SETBP1: variants seen among roughly 807,000 people sequenced by gnomAD.
SETBP1 encodes the protein SET-binding protein.
Under a neutral mutation model 101.0 loss-of-function variants are expected in SETBP1, and 9 were observed. The ratio of observed to expected loss-of-function variants is 0.09; its 90% CI spans 0.05 to 0.16. The LOEUF (loss-of-function observed/expected upper bound fraction) is 0.16, where lower values mean the gene tolerates loss of function less well. Ranked by LOEUF, SETBP1 falls within the 10% of genes least tolerant of loss-of-function variation. The pLI is 1.00. For missense variants in SETBP1, 1,858 were observed against 2,033.8 expected, an observed-to-expected ratio of 0.91 and a Z score of 1.66; for synonymous variants, 818 against 788.5, an observed-to-expected ratio of 1.04 and a Z score of -0.63.
intron 3 of SETBP1, among the ~76,000 whole-genome samples, chr18:44,921,219 A>C (rs1158517218): frequency 3.9e-5 from 6 of 152,244 alleles, no homozygotes; most frequent in Admixed American, 3.9e-4. Context: ...ACCTAACTAC[A>C]GTGTAATAAA....
At chr18:44,771,562 C>G (rs35281795) in intron 2 of SETBP1, among the ~76,000 whole-genome samples, 4 of 152,220 alleles carry the variant, frequency 2.6e-5, no homozygotes, top group South Asian at 2.1e-4. Context: ...ATGTAAGTCC[C>G]TAAGACAGAG....
intron 4 of SETBP1, among the ~76,000 whole-genome samples, chr18:44,997,209 A>C (rs1043390494): frequency 6.6e-6 from 1 of 152,026 alleles, no homozygotes; most frequent in Non-Finnish European, 1.5e-5. Context: ...CAGCCCTTCA[A>C]AATAGGCCTC....
intron 3 of SETBP1, among the ~76,000 whole-genome samples, chr18:44,927,746 G>A (rs1306084859): frequency 2.6e-5 from 4 of 152,178 alleles, no homozygotes; most frequent in African/African-American, 9.7e-5. Context: ...CACCGATCAG[G>A]AGTTTGAACT....
rs148174411 is a variant in SETBP1, at chr18:45,062,022, T to TTGTG, written c.4172-1044_4172-1041dup. 2.0e-5 allele frequency among the ~76,000 whole-genome samples: 3 copies of TTGTG among 151,164 alleles called. No individual in the cohort carries two copies. In the South Asian group the frequency reaches 6.3e-4, roughly 32 times the overall value. On this transcript the variant is annotated intron_variant, in intron 5 of 5. Transcript: ENST00000649279. ...AGTCTGTGTGAGTGTATGTGCCCAT[T>TTGTG]TGTGTGTGTGTGTGTGCATGTGCAC... is the stretch of plus-strand genomic sequence containing the variant.
chr18:44,853,280 G>A (rs1228083766), intron 2 of SETBP1, among the ~76,000 whole-genome samples: 2 of 152,166 alleles, frequency 1.3e-5, no homozygotes, highest in African/African-American at 4.8e-5. Context: ...AGAGGGCCAG[G>A]TGTAAGGGAG....
intron 4 of SETBP1, among the ~76,000 whole-genome samples, chr18:44,978,962 A>T (rs1019345409): frequency 3.3e-5 from 5 of 152,222 alleles, no homozygotes; most frequent in African/African-American, 1.2e-4. Flanking sequence ...ATTGTCTAAA[A>T]TCATGTGTCT....
chr18:44,825,062 A>G (rs550753163), intron 2 of SETBP1, among the ~76,000 whole-genome samples: 4 of 152,354 alleles, frequency 2.6e-5, no homozygotes, highest in African/African-American at 9.6e-5. Context: ...CTGCTTAGGA[A>G]CTTGCTGTAT....
chr18:44,714,014 TG>T, intron 2 of SETBP1, among the ~76,000 whole-genome samples: 1 of 152,200 alleles, frequency 6.6e-6, no homozygotes. Flanking sequence ...TCTCCGAACC[TG>T]GTTTCTCATT....
intron 2 of SETBP1, among the ~76,000 whole-genome samples, chr18:44,705,840 C>T (rs1210648519): frequency 2.0e-5 from 3 of 152,136 alleles, no homozygotes; most frequent in African/African-American, 2.4e-5. Flanking sequence ...GATTATAGAT[C>T]GTCAGGGAAC....
intron 2 of SETBP1, among the ~76,000 whole-genome samples, chr18:44,843,717 G>A (rs2072667830): frequency 1.3e-5 from 2 of 152,184 alleles, no homozygotes; most frequent in African/African-American, 4.8e-5. Flanking sequence ...GGAGGCAGTA[G>A]GGAGTATGGC....
At chr18:44,828,578 G>A (rs1352471417) in intron 2 of SETBP1, among the ~76,000 whole-genome samples, 3 of 152,134 alleles carry the variant, frequency 2.0e-5, no homozygotes, top group African/African-American at 2.4e-5. Context: ...ATGAAGGGTC[G>A]TACAGAAAGG....
At chr18:44,995,260 G>T (rs1363485736) in intron 4 of SETBP1, among the ~76,000 whole-genome samples, 1 of 148,016 alleles carries the variant, frequency 6.8e-6, no homozygotes, top group Non-Finnish European at 1.5e-5. Context: ...TCCTGCCTCA[G>T]CCTCCCGAGT....
chr18:44,801,843 G>A (rs1358789786), intron 2 of SETBP1, among the ~76,000 whole-genome samples: 1 of 57,098 alleles, frequency 1.8e-5, no homozygotes. Context: ...TTCCTACGTT[G>A]TGGTAGTTAA....
intron 2 of SETBP1, among the ~76,000 whole-genome samples, chr18:44,713,104 G>A (rs1319368905): frequency 4.6e-5 from 7 of 151,776 alleles, no homozygotes; most frequent in Admixed American, 3.3e-4. Context: ...GACTACAGGC[G>A]CCTGCCACTG....
intron 3 of SETBP1, among the ~76,000 whole-genome samples, chr18:44,906,106 C>T (rs921168591): frequency 6.6e-6 from 1 of 152,132 alleles, no homozygotes; most frequent in Non-Finnish European, 1.5e-5. Flanking sequence ...TTACAGATAG[C>T]CAGGCGTTAT....
chr18:44,703,008 T>C (rs2069144427), intron 2 of SETBP1, among the ~76,000 whole-genome samples: 1 of 152,210 alleles, frequency 6.6e-6, no homozygotes, highest in African/African-American at 2.4e-5. Context: ...TCATATTTCA[T>C]TGAATTTATT....
chr18:44,869,673 G>A (rs1038186905), intron 3 of SETBP1: 17 of 310,462 alleles, frequency 5.5e-5, no homozygotes, highest in African/African-American at 2.4e-4. Context: ...TAATCTTTGC[G>A]GCAAATGCCT....
At chr18:44,846,312 T>A (rs999756513) in intron 2 of SETBP1, among the ~76,000 whole-genome samples, 2 of 152,220 alleles carry the variant, frequency 1.3e-5, no homozygotes, top group Admixed American at 6.5e-5. Context: ...CTTAAAAGTG[T>A]GCAATTCAGT....
rs577076040 is a variant in SETBP1, at chr18:45,063,972, G to A, written c.*274G>A. ...ACGGCTGGATCCTCCGCAGGCGAGCGGAAGGCCCCCAGGAGGAGCAGGCTG... is the reference window on the plus strand; with the variant it reads ...ACGGCTGGATCCTCCGCAGGCGAGCAGAAGGCCCCCAGGAGGAGCAGGCTG... On this transcript the variant is annotated 3_prime_UTR_variant, in exon 6 of 6. Transcript: ENST00000649279. 3 of 361,452 alleles carry A rather than the reference G, an allele frequency of 8.3e-6. No individual in the cohort carries two copies. The highest frequency in any genetic ancestry group is 1.5e-5 in the Non-Finnish European group (3 of 195,076). The allele number at this position is 361,452 out of a possible 1,614,324, so 22.4% of individuals were successfully genotyped here.
Sources: gnomAD v4.1 joint callset for allele counts (sites outside exome capture counted in the v4.1 genomes callset) on GRCh38, gnomAD v4.1.1 for gene constraint, MANE v1.5 for transcripts, NCBI Gene and HGNC (gene_info 2026-07-23, HGNC 2026-07-21) for gene names.